TPO: variants seen among roughly 807,000 people sequenced by gnomAD.
TPO encodes thyroid peroxidase.
A neutral mutation model predicts 96.9 loss-of-function variants in TPO; 78 were observed. The observed-to-expected ratio is 0.81, with a 90% CI of 0.67 to 0.97. The LOEUF is 0.97. Ranked by LOEUF, TPO falls within the 50% of genes least tolerant of loss-of-function variation. The probability of loss-of-function intolerance (pLI) is 0.00; values close to 1 mark genes in which losing one functional copy is unlikely to be tolerated. For missense variants in TPO, 1,252 were observed against 1,274.8 expected (o/e 0.98, Z 0.27); for synonymous variants, 547 against 538.0 (o/e 1.02, Z -0.23).
At chr2:1,540,342 C>T (rs1287821242) in intron 15 of TPO, among the ~76,000 whole-genome samples, 5 of 152,210 alleles carry the variant, frequency 3.3e-5, no homozygotes, top group African/African-American at 1.2e-4. Context: ...AGCCCCAGCT[C>T]AGCTGCGTGG....
At chr2:1,379,841 A>G (rs929595809) in intron 1 of TPO, among the ~76,000 whole-genome samples, 5 of 152,210 alleles carry the variant, frequency 3.3e-5, no homozygotes, top group African/African-American at 1.2e-4. Flanking sequence ...AAATGAAAAT[A>G]CCAGGCATAA....
intron 5 of TPO, chr2:1,438,892 C>A (rs751884269): frequency 2.8e-6 from 2 of 714,538 alleles, no homozygotes; most frequent in South Asian, 3.0e-5. Context: ...GCAGGACAGA[C>A]CAAATAATGC....
chr2:1,510,029 C>T (rs1673932693), intron 14 of TPO, among the ~76,000 whole-genome samples: 2 of 152,202 alleles, frequency 1.3e-5, no homozygotes, highest in Middle Eastern at 3.4e-3. Flanking sequence ...CACAGCATTT[C>T]CCCCTCACAC....
intron 11 of TPO, among the ~76,000 whole-genome samples, chr2:1,494,293 C>T (rs765671333): frequency 9.9e-5 from 15 of 152,248 alleles, no homozygotes; most frequent in Admixed American, 2.6e-4. Context: ...TCCAACCACA[C>T]GAGCAAGCAG....
chr2:1,495,890 A>G lies in TPO; in HGVS notation c.2007-99A>G, dbSNP rs1672281219. 10 of 1,358,952 alleles carry G rather than the reference A, an allele frequency of 7.4e-6. No individual in the cohort carries two copies. The Admixed American group carries it at 1.9e-4, about 26-fold the overall frequency. The allele number at this position is 1,358,952 out of a possible 1,614,324, so 84.2% of individuals were successfully genotyped here. A position where few individuals can be genotyped will look rare whatever the true frequency, so the allele number is the denominator to read the frequency against. ...TGGGGGTCTGGGCAGACGCCGCAGG[A>G]GAGGCTGGCAGCACACAGCTGTGGG... On this transcript the variant is annotated intron_variant, in intron 11 of 16. Transcript: ENST00000329066.
chr2:1,405,973 C>T lies in TPO; in HGVS notation n.180+31571C>T, dbSNP rs200265944. Among the ~76,000 whole-genome samples, 4 of 152,170 alleles carry T rather than the reference C, an allele frequency of 2.6e-5. No individual in the cohort carries two copies. In the East Asian group the frequency reaches 5.8e-4, roughly 22 times the overall value. ...TCCCAAATCAGCTAGAAAGAAAACA[C>T]GCATCCTTTCAAACTGTAATTTGGT... is the stretch of plus-strand genomic sequence containing the variant. On this transcript the variant is annotated intron_variant and non_coding_transcript_variant, in intron 1 of 5. Coordinates refer to the TPO transcript ENST00000497517.
In TPO at chr2:1,496,204, T is replaced by C; in HGVS notation, c.2215+7T>C. 1 of 1,613,376 alleles carries C rather than the reference T, an allele frequency of 6.2e-7. No individual in the cohort carries two copies. The highest frequency in any genetic ancestry group is 8.5e-7 in the Non-Finnish European group (1 of 1,179,796). ...AGGGAAACCTTTCCTCAAGGTGAAG[T>C]TCGGTCTCCTCTCACACCACGTTAC... is the stretch of plus-strand genomic sequence containing the variant. On this transcript the variant is annotated splice_region_variant and intron_variant, in intron 12 of 16. Transcript: ENST00000329066.
At chr2:1,415,482 G>T (rs1216914730) in intron 2 of TPO, among the ~76,000 whole-genome samples, 2 of 131,082 alleles carry the variant, frequency 1.5e-5, no homozygotes, top group East Asian at 2.5e-4. Flanking sequence ...GTGACACCTC[G>T]CTGGGCAGGT....
At position 1,444,446 on chromosome 2, in the gene TPO, C is replaced by T. The variant is rs200912935; in HGVS notation, c.482+8062C>T. On this transcript the variant is annotated intron_variant, in intron 5 of 16. Transcript: ENST00000329066. ...TGTTGGAAGGGAATGGAGCTGGCTC[C>T]TTCTTGTTTGTATGATGCAGTCATT... Among the ~76,000 whole-genome samples the T allele has an allele frequency of 2.9e-3, 388 of 133,992 alleles. 10 individuals are homozygous for T. The highest frequency in any genetic ancestry group is 0.014 in the East Asian group (59 of 4,100). The allele number at this position is 133,992 out of a possible 152,430, so 87.9% of individuals were successfully genotyped here.
chr2:1,504,146 T>C (rs1467398446), intron 14 of TPO, 67 bp downstream of exon 14: 1 of 1,606,412 alleles, frequency 6.2e-7, no homozygotes, highest in Non-Finnish European at 8.5e-7. Context: ...GAAAAGTGTG[T>C]TCAAGTTAGG....
chr2:1,451,719 G>A (rs566550538), intron 5 of TPO, among the ~76,000 whole-genome samples: 127 of 152,200 alleles, frequency 8.3e-4, no homozygotes, highest in South Asian at 4.4e-3. Context: ...AATGGAACCC[G>A]GATATCATGA....
intron 1 of TPO, among the ~76,000 whole-genome samples, chr2:1,382,518 A>G (rs1380310608): frequency 1.3e-5 from 2 of 152,100 alleles, no homozygotes; most frequent in African/African-American, 4.8e-5. Flanking sequence ...CAACTGCCCA[A>G]TGGAAAACTA....
chr2:1,484,605 C>T lies in TPO; in HGVS notation c.1348C>T (p.Leu450=). 1.2e-6 allele frequency: 2 copies of T among 1,614,140 alleles called. No individual in the cohort carries two copies. The highest frequency in any genetic ancestry group is 1.3e-5 in the African/African-American group (1 of 75,042). Residue 450 remains leucine, a synonymous_variant, in exon 9 of 17, where the codon CTG becomes TTG. Coordinates refer to ENST00000329066, the MANE Select transcript of TPO (RefSeq NM_001206744.2). ...TTTCCTATCTGCACAGATCATCACC[C>T]TGAGGGATTACATCCCCAGGATCCT... ...VVGALHQIIT[L]RDYIPRILGP... is the part of the protein sequence containing the mutation.
At chr2:1,509,140 T>C (rs549314061) in intron 14 of TPO, among the ~76,000 whole-genome samples, 3 of 152,376 alleles carry the variant, frequency 2.0e-5, no homozygotes, top group Admixed American at 6.5e-5. Context: ...CATTTTGTTA[T>C]GTATCCAGTA....
intron 15 of TPO, among the ~76,000 whole-genome samples, chr2:1,523,762 A>G (rs1371223013): frequency 1.7e-5 from 1 of 57,350 alleles, no homozygotes; most frequent in Admixed American, 2.7e-4. Context: ...AAATACCGCC[A>G]CTGTGTGCAA....
intron 15 of TPO, among the ~76,000 whole-genome samples, chr2:1,524,043 C>T (rs1675831709): frequency 7.8e-6 from 1 of 128,838 alleles, no homozygotes; most frequent in African/African-American, 3.0e-5. Context: ...TCCCAAATCC[C>T]CCCCATTGTG....
chr2:1,419,389 G>A (rs1376514584), intron 2 of TPO, among the ~76,000 whole-genome samples: 5 of 152,198 alleles, frequency 3.3e-5, no homozygotes, highest in Non-Finnish European at 7.3e-5. Flanking sequence ...GGGGCTCAGA[G>A]CTGGCCACCC....
At chr2:1,450,632 CTGCTG>C (rs1667224049) in intron 5 of TPO, among the ~76,000 whole-genome samples, 1 of 152,146 alleles carries the variant, frequency 6.6e-6, no homozygotes, top group African/African-American at 2.4e-5. Flanking sequence ...TCCTGCTGAC[CTGCTG>C]ACCGTGAAGG....
Position 1,484,662 on chromosome 2 carries a change from C to T in TPO, c.1405C>T (p.Pro469Ser), listed in dbSNP as rs866153169. 1 of 1,614,126 alleles carries T rather than the reference C, an allele frequency of 6.2e-7. No homozygotes were observed. Among genetic ancestry groups the T allele is most frequent in the Admixed American group, 1.7e-5 (1 of 60,032 alleles). Residue 469 changes from proline to serine, a missense_variant, in exon 9 of 17, where the codon CCC becomes TCC. Transcript: ENST00000329066. Reference sequence around the variant, plus strand: ...CGAGGCCTTCCAGCAGTACGTGGGTCCCTATGAAGGCTATGACTCCACCGC... The same window carrying T: ...CGAGGCCTTCCAGCAGTACGTGGGTTCCTATGAAGGCTATGACTCCACCGC... ...GPEAFQQYVG[P>S]YEGYDSTANP... is the part of the protein sequence containing the mutation.
Sources: gnomAD v4.1 joint callset for allele counts (sites outside exome capture counted in the v4.1 genomes callset) on GRCh38, gnomAD v4.1.1 for gene constraint, MANE v1.5 for transcripts, NCBI Gene and HGNC (gene_info 2026-07-23, HGNC 2026-07-21) for gene names.